Variants in TTC7B observed in about 807,000 individuals in gnomAD.
TTC7B encodes the protein tetratricopeptide repeat protein 7B.
TTC7B carries 28 observed loss-of-function variants against 106.8 expected under a neutral mutation model. The ratio of observed to expected loss-of-function variants is 0.26; its 90% CI spans 0.19 to 0.36. The LOEUF (loss-of-function observed/expected upper bound fraction) is 0.36. Among genes scored for constraint, TTC7B ranks in the 10% least tolerant of loss-of-function variants. The probability of loss-of-function intolerance (pLI) is 1.00; values close to 1 mark genes in which losing one functional copy is unlikely to be tolerated. For synonymous variants in TTC7B, 405 were observed against 430.6 expected, an observed-to-expected ratio of 0.94 and a Z score of 0.74; for missense variants, 862 against 1,076.4, an observed-to-expected ratio of 0.80 and a Z score of 2.79.
intron 1 of TTC7B, 35 bp downstream of exon 1, chr14:90,816,140 C>A: frequency 1.8e-6 from 2 of 1,100,392 alleles, no homozygotes; most frequent in African/African-American, 1.7e-5. Context: ...GCCGCGGCGC[C>A]CCCCGCAGCC....
chr14:90,744,037 C>T (rs1218125511), intron 4 of TTC7B, among the ~76,000 whole-genome samples: 1 of 152,220 alleles, frequency 6.6e-6, no homozygotes, highest in Non-Finnish European at 1.5e-5. Context: ...TGATGGTCTC[C>T]GGGGATACCC....
intron 5 of TTC7B, among the ~76,000 whole-genome samples, chr14:90,704,459 C>G (rs937770263): frequency 6.6e-6 from 1 of 152,196 alleles, no homozygotes; most frequent in Non-Finnish European, 1.5e-5. Flanking sequence ...GAACTCAGGC[C>G]CTATCTGATG....
At chr14:90,597,178 C>T (rs144927761) in intron 17 of TTC7B, among the ~76,000 whole-genome samples, 501 of 152,220 alleles carry the variant, frequency 3.3e-3, no homozygotes, top group African/African-American at 0.012. Flanking sequence ...ATATTCTGAA[C>T]CAGGGATAAA....
chr14:90,558,503 AT>A (rs1276149005), intron 19 of TTC7B, among the ~76,000 whole-genome samples: 5 of 152,264 alleles, frequency 3.3e-5, no homozygotes, highest in African/African-American at 1.2e-4. Flanking sequence ...GAGTCCGGTC[AT>A]TTTGGTGAGT....
rs1036673309 is a variant in TTC7B at position 90,805,834 on chromosome 14, C to A, written c.121+10341G>T. ...ATCAGAGTCACTCCTGTGAGCCCTG[C>A]GGCGGGCACAGCTCAATGCCCAGGG... On this transcript the variant is annotated intron_variant, in intron 1 of 19. Coordinates refer to ENST00000328459, the MANE Select transcript of TTC7B (RefSeq NM_001010854.2). This position sits in a 1 kb window ranked among gnomAD's most constrained non-coding sequence, Gnocchi z 4.0. Among the ~76,000 whole-genome samples, 11 of 147,586 alleles carry A rather than the reference C, an allele frequency of 7.5e-5. No homozygotes were observed. Among genetic ancestry groups the A allele is most frequent in the African/African-American group, 2.8e-4 (11 of 39,326 alleles).
At position 90,617,994 on chromosome 14, in the gene TTC7B, C is replaced by T. The variant is rs754247; in HGVS notation, c.1803G>A (p.Glu601=). Residue 601 remains glutamate, a synonymous_variant, in exon 16 of 20, where the codon GAG becomes GAA. Transcript: ENST00000328459. ...GCATGTGCTTACAAGTCAGCAGTGC[C>T]TCGTCCGGGCCTCGGCAGAGTGACT... ...KLQSLCRGPD[E]ALLTCKHMLQ... 0.31 allele frequency: 501,424 copies of T among 1,613,384 alleles called. 85,770 individuals carry two copies. The highest frequency in any genetic ancestry group is 0.66 in the African/African-American group (49,830 of 74,950).
chr14:90,744,092 T>C (rs1347933904), intron 4 of TTC7B, among the ~76,000 whole-genome samples: 1 of 152,224 alleles, frequency 6.6e-6, no homozygotes, highest in Non-Finnish European at 1.5e-5. Flanking sequence ...CCCAGCACCT[T>C]TGCCATATCT....
chr14:90,634,811 G>A (rs1410265672), intron 15 of TTC7B, among the ~76,000 whole-genome samples: 1 of 152,032 alleles, frequency 6.6e-6, no homozygotes, highest in African/African-American at 2.4e-5. Context: ...AGTAATATAT[G>A]AAGAAAGAAT....
At chr14:90,652,226 C>A (rs142889241) in intron 13 of TTC7B, among the ~76,000 whole-genome samples, 1 of 152,128 alleles carries the variant, frequency 6.6e-6, no homozygotes, top group Non-Finnish European at 1.5e-5. Context: ...ACTGCCTGTC[C>A]GTCTTCCTCA....
intron 19 of TTC7B, among the ~76,000 whole-genome samples, chr14:90,545,919 C>T (rs1889810057): frequency 6.8e-6 from 1 of 147,622 alleles, no homozygotes; most frequent in Non-Finnish European, 1.5e-5. Context: ...GACTTGTAGT[C>T]CTAACGTAGG....
At chr14:90,557,556 C>T (rs1890372413) in intron 19 of TTC7B, among the ~76,000 whole-genome samples, 1 of 152,228 alleles carries the variant, frequency 6.6e-6, no homozygotes, top group Admixed American at 6.5e-5. Context: ...TGGCAGCAGC[C>T]AACGCAGCCA....
rs1445495747 is a variant in TTC7B at position 90,633,529 on chromosome 14, A to C, written c.1751+10519T>G. Among the ~76,000 whole-genome samples the C allele has an allele frequency of 2.0e-5, 3 of 152,202 alleles. No homozygotes were observed. In the East Asian group the frequency reaches 5.8e-4, roughly 29 times the overall value. On this transcript the variant is annotated intron_variant, in intron 15 of 19. Coordinates refer to ENST00000328459, the MANE Select transcript of TTC7B (RefSeq NM_001010854.2). ...ATCTAATATATATTCCAAAGACAAA[A>C]AACAACAAACTGTCAGTTCTTAACC...
At chr14:90,580,523 G>A (rs1891445483) in intron 18 of TTC7B, among the ~76,000 whole-genome samples, 1 of 152,070 alleles carries the variant, frequency 6.6e-6, no homozygotes, top group African/African-American at 2.4e-5. Context: ...GGTGATATCC[G>A]ACTCCTCTGC....
At chr14:90,816,030 T>A in intron 1 of TTC7B, 145 bp downstream of exon 1, 1 of 932,012 alleles carries the variant, frequency 1.1e-6, no homozygotes, top group Non-Finnish European at 1.3e-6. Context: ...CAGGCCCCGG[T>A]CCCGCGCACA....
chr14:90,652,561 T>C (rs1161566550), intron 13 of TTC7B, among the ~76,000 whole-genome samples: 1 of 151,754 alleles, frequency 6.6e-6, no homozygotes, highest in Non-Finnish European at 1.5e-5. Flanking sequence ...AAAGGACTCA[T>C]CTCCCTTGGC....
At chr14:90,754,044 C>T (rs1890212131) in intron 3 of TTC7B, among the ~76,000 whole-genome samples, 1 of 152,202 alleles carries the variant, frequency 6.6e-6, no homozygotes, top group South Asian at 2.1e-4. Flanking sequence ...GTGCTAGTTA[C>T]ATGTCAGATA....
intron 3 of TTC7B, among the ~76,000 whole-genome samples, chr14:90,776,214 C>T (rs1386258672): frequency 6.7e-6 from 1 of 150,362 alleles, no homozygotes; most frequent in Non-Finnish European, 1.5e-5. Flanking sequence ...GATGGTCAGG[C>T]AGTTGTTAAC....
At position 90,532,978 on chromosome 14, in the gene TTC7B, G is replaced by C. The variant is rs1055843039; in HGVS notation, c.*8390C>G. 3 of 152,356 alleles carry C rather than the reference G, an allele frequency of 2.0e-5. No homozygotes were observed. The highest frequency in any genetic ancestry group is 2.1e-4 in the South Asian group (1 of 4,840). 9.4% of individuals were successfully genotyped at this position (152,356 alleles called of 1,614,324 possible). A position where few individuals can be genotyped will look rare whatever the true frequency, so the allele number is the denominator to read the frequency against. ...GCAGGGGTAGGGCTGGGCTGTGCTC[G>C]GCCATGTGCTTGTGTTTTACACACC... On this transcript the variant is annotated 3_prime_UTR_variant, in exon 20 of 20. Transcript: ENST00000328459.
rs529669961 is a variant in TTC7B, at chr14:90,621,376, G to A, written c.1752-3331C>T. On this transcript the variant is annotated intron_variant, in intron 15 of 19. Transcript: ENST00000328459. ...CCGGGACGATGGGCAGAGGCCACGC[G>A]GGTACGGCCGGGACGATGGGCAGAG... Among the ~76,000 whole-genome samples the A allele has an allele frequency of 5.3e-5, 8 of 152,100 alleles. No homozygotes were observed. In the South Asian group the frequency reaches 6.2e-4, roughly 12 times the overall value.
Sources: allele counts gnomAD v4.1 joint callset (sites outside exome capture counted in the v4.1 genomes callset), GRCh38; gene constraint gnomAD v4.1.1; non-coding constraint Gnocchi (gnomAD v3.1); transcripts MANE v1.5; gene names NCBI Gene and HGNC (gene_info 2026-07-23, HGNC 2026-07-21).